DLG2: variants seen among roughly 807,000 people sequenced by gnomAD.
DLG2 encodes the protein discs large MAGUK scaffold protein 2.
In DLG2, 45 loss-of-function variants were observed where a neutral mutation model predicts 132.5. The observed-to-expected ratio is 0.34, with a 90% confidence interval of 0.27 to 0.44. The LOEUF is 0.44. Among genes scored for constraint, DLG2 ranks in the 20% least tolerant of loss-of-function variants. DLG2 has a pLI of 1.00. For missense variants in DLG2, 1,045 were observed against 1,196.9 expected (o/e 0.87, Z 1.87); for synonymous variants, 424 against 419.6 (o/e 1.01, Z -0.13).
rs953362475 is a variant in DLG2, at chr11:85,163,103, G to A, written c.187-8452C>T. 3.3e-5 allele frequency among the ~76,000 whole-genome samples: 5 copies of A among 152,108 alleles called. No individual in the cohort carries two copies. In the South Asian group the frequency reaches 1.0e-3, roughly 32 times the overall value. On this transcript the variant is annotated intron_variant, in intron 4 of 27. Transcript: ENST00000376104. Reference sequence around the variant, plus strand: ...CCTACCCTCAGACATCAGACTAGAAGTTCTTCAGTTTTGGGACTCTGACTG... The same window carrying A: ...CCTACCCTCAGACATCAGACTAGAAATTCTTCAGTTTTGGGACTCTGACTG...
At chr11:83,787,340 T>TTTTTTAG (rs66699053) in intron 17 of DLG2, among the ~76,000 whole-genome samples, 3 of 102,756 alleles carry the variant, frequency 2.9e-5, no homozygotes, top group African/African-American at 8.4e-5. Flanking sequence ...TTTTTTTTTT[T>TTTTTTAG]AGACAGAGTC....
At chr11:84,733,778 A>G (rs1051651521) in intron 6 of DLG2, among the ~76,000 whole-genome samples, 3 of 152,138 alleles carry the variant, frequency 2.0e-5, no homozygotes, top group African/African-American at 4.8e-5. Flanking sequence ...TAGGTCTAAC[A>G]CTTAAGTCTT....
At chr11:84,525,106 G>A (rs1051681778) in intron 7 of DLG2, among the ~76,000 whole-genome samples, 38 of 152,076 alleles carry the variant, frequency 2.5e-4, no homozygotes, top group African/African-American at 9.2e-4. Context: ...ATATATGGTG[G>A]TGGTGGACCT....
chr11:84,245,596 A>T lies in DLG2; in HGVS notation c.573+5642T>A, dbSNP rs2097292526. Among the ~76,000 whole-genome samples, 4 of 152,272 alleles carry T rather than the reference A, an allele frequency of 2.6e-5. No individual in the cohort carries two copies. In the South Asian group the frequency reaches 8.3e-4, roughly 32 times the overall value. On this transcript the variant is annotated intron_variant, in intron 8 of 27. Coordinates refer to ENST00000376104, the MANE Select transcript of DLG2 (RefSeq NM_001142699.3). ...TACCTCTAGAAACAAAATTTCAGCA[A>T]CAAAGTGTCTTATAGGAAAGTAAAG...
At chr11:84,837,207 A>G (rs1161649504) in intron 6 of DLG2, among the ~76,000 whole-genome samples, 2 of 151,910 alleles carry the variant, frequency 1.3e-5, no homozygotes, top group Admixed American at 1.3e-4. Context: ...AATGGAAGGC[A>G]TAGGAAGAAA....
chr11:84,613,274 A>G (rs188233834), intron 6 of DLG2, among the ~76,000 whole-genome samples: 1 of 152,268 alleles, frequency 6.6e-6, no homozygotes, highest in East Asian at 1.9e-4. Flanking sequence ...AAAACACCAG[A>G]TAACAGTTTA....
intron 6 of DLG2, among the ~76,000 whole-genome samples, chr11:85,054,815 G>A (rs2063286466): frequency 6.6e-6 from 1 of 152,108 alleles, no homozygotes; most frequent in Non-Finnish European, 1.5e-5. Context: ...TAAAGACTGG[G>A]CACTTGTAGA....
intron 5 of DLG2, among the ~76,000 whole-genome samples, chr11:85,131,718 G>A (rs1028201908): frequency 6.6e-6 from 1 of 151,998 alleles, no homozygotes; most frequent in Non-Finnish European, 1.5e-5. Flanking sequence ...GATTTTCTGG[G>A]GCTTCATTTG....
At chr11:85,266,939 G>GT (rs2077249564) in intron 4 of DLG2, among the ~76,000 whole-genome samples, 1 of 152,176 alleles carries the variant, frequency 6.6e-6, no homozygotes, top group African/African-American at 2.4e-5. Context: ...GGTAATAACA[G>GT]TTTTTTCAGG....
intron 16 of DLG2, among the ~76,000 whole-genome samples, chr11:83,853,746 T>G (rs560120425): frequency 6.6e-6 from 1 of 152,066 alleles, no homozygotes; most frequent in African/African-American, 2.4e-5. Flanking sequence ...TTAAATAATA[T>G]CTACAAAATC....
At chr11:85,525,687 G>C (rs1015794106) in intron 3 of DLG2, among the ~76,000 whole-genome samples, 6 of 152,156 alleles carry the variant, frequency 3.9e-5, no homozygotes, top group African/African-American at 1.2e-4. Context: ...AGTAATGCCT[G>C]AGATGTGGTA....
chr11:84,978,836 C>T lies in DLG2; in HGVS notation c.357+132825G>A, dbSNP rs574093195. 1.1e-3 allele frequency among the ~76,000 whole-genome samples: 164 copies of T among 152,182 alleles called. 1 individual carries two copies. Among genetic ancestry groups the T allele is most frequent in the African/African-American group, 3.6e-3 (149 of 41,526 alleles). On this transcript the variant is annotated intron_variant, in intron 6 of 27. Transcript: ENST00000376104. ...AATGGGATCTAATTAAACTAAAGAG[C>T]GTCTGCACAGCAAAAGAAACTACCA...
At chr11:84,956,812 T>C (rs1362703672) in intron 6 of DLG2, among the ~76,000 whole-genome samples, 4 of 152,198 alleles carry the variant, frequency 2.6e-5, no homozygotes, top group Non-Finnish European at 5.9e-5. Flanking sequence ...CATGCTACCA[T>C]GTGAAGTATA....
At chr11:85,268,274 T>C (rs1264729000) in intron 4 of DLG2, among the ~76,000 whole-genome samples, 3 of 152,210 alleles carry the variant, frequency 2.0e-5, no homozygotes, top group Non-Finnish European at 4.4e-5. Flanking sequence ...GCATATCTGA[T>C]TGCCTTCTTT....
intron 10 of DLG2, among the ~76,000 whole-genome samples, chr11:84,067,113 T>C (rs557089184): frequency 6.6e-6 from 1 of 151,892 alleles, no homozygotes; most frequent in East Asian, 2.0e-4. Context: ...GGTGGGAGTA[T>C]CATGAGGTCA....
intron 7 of DLG2, among the ~76,000 whole-genome samples, chr11:84,395,610 G>C (rs1474578680): frequency 6.6e-6 from 1 of 152,114 alleles, no homozygotes; most frequent in Non-Finnish European, 1.5e-5. Context: ...TAAAGGCAGG[G>C]TTTTGCCATG....
At chr11:83,837,467 C>T (rs577193205) in intron 16 of DLG2, among the ~76,000 whole-genome samples, 4 of 152,132 alleles carry the variant, frequency 2.6e-5, no homozygotes, top group Non-Finnish European at 5.9e-5. Context: ...CCTCTCCTGG[C>T]TGCCGCTGGT....
intron 7 of DLG2, among the ~76,000 whole-genome samples, chr11:84,502,218 CCTTCCTTCCT>C (rs1567803600): frequency 0.027 from 314 of 11,656 alleles, 68 homozygotes; most frequent in Non-Finnish European, 0.032. Context: ...TTCCTTCCTT[CCTTCCTTCCT>C]TCCTTCCTTC....
intron 4 of DLG2, among the ~76,000 whole-genome samples, chr11:85,163,730 T>C (rs1485242906): frequency 6.6e-6 from 1 of 152,176 alleles, no homozygotes; most frequent in Non-Finnish European, 1.5e-5. Flanking sequence ...AATATGGAGA[T>C]AGTGCCACCC....
Sources: gnomAD v4.1 joint callset for allele counts (sites outside exome capture counted in the v4.1 genomes callset) on GRCh38, gnomAD v4.1.1 for gene constraint, MANE v1.5 for transcripts, NCBI Gene and HGNC (gene_info 2026-07-23, HGNC 2026-07-21) for gene names.